Variants in CD36 observed in about 807,000 individuals in gnomAD.
The protein encoded by CD36 is CD36 molecule (CD36 blood group), also known as platelet glycoprotein 4.
CD36 carries 119 observed loss-of-function variants against 55.2 expected under a neutral mutation model. The ratio of observed to expected loss-of-function variants is 2.15; its 90% CI spans 1.86 to 2.51. CD36 has a LOEUF of 2.51. Ranked by LOEUF, CD36 falls within the 30% of genes most tolerant of loss-of-function variation. The pLI is 0.00. For synonymous variants in CD36, 186 were observed against 193.6 expected, an observed-to-expected ratio of 0.96 and a Z score of 0.33; for missense variants, 819 against 555.5, an observed-to-expected ratio of 1.47 and a Z score of -4.77.
At chr7:80,610,572 T>C (rs1396239097) in intron 1 of CD36, among the ~76,000 whole-genome samples, 1 of 143,444 alleles carries the variant, frequency 7.0e-6, no homozygotes, top group Non-Finnish European at 1.5e-5. Flanking sequence ...TTATTTATTT[T>C]TTATCTTTTA....
intron 7 of CD36, 110 bp from the exon 8 acceptor site, chr7:80,666,333 C>T: frequency 1.3e-6 from 1 of 758,020 alleles, no homozygotes; most frequent in Non-Finnish European, 2.3e-6. Flanking sequence ...GTACTTGTCA[C>T]ATTTAAATGC....
At chr7:80,635,329 A>G (rs1794331211), upstream of CD36, among the ~76,000 whole-genome samples, 1 of 152,096 alleles carries the variant, frequency 6.6e-6, no homozygotes, top group Non-Finnish European at 1.5e-5. Context: ...GCTGGAGTAT[A>G]GTGGCACAAT....
intron 1 of CD36, chr7:80,626,077 A>G (rs1014340488): frequency 1.3e-5 from 2 of 152,024 alleles, no homozygotes; most frequent in Non-Finnish European, 2.9e-5. Flanking sequence ...TCCTTAAGGG[A>G]TGATGAAAGA....
chr7:80,606,408 A>G (rs1038244072), intron 1 of CD36, among the ~76,000 whole-genome samples: 1 of 152,170 alleles, frequency 6.6e-6, no homozygotes, highest in South Asian at 2.1e-4. Flanking sequence ...AAAATGAATT[A>G]TGGGATTTAA....
chr7:80,628,340 C>G (rs1000129194), intron 1 of CD36, among the ~76,000 whole-genome samples: 4 of 151,948 alleles, frequency 2.6e-5, no homozygotes, highest in African/African-American at 9.7e-5. Flanking sequence ...TCTCTTGCTA[C>G]TTATGAATGA....
At chr7:80,644,679 C>A (rs552909563) in intron 1 of CD36, among the ~76,000 whole-genome samples, 1 of 152,214 alleles carries the variant, frequency 6.6e-6, no homozygotes, top group South Asian at 2.1e-4. Flanking sequence ...ACCTCTGTTG[C>A]AAGACAGCTG....
intron 4 of CD36, 127 bp downstream of exon 4, chr7:80,656,827 A>AGT: frequency 2.4e-6 from 2 of 823,236 alleles, no homozygotes; most frequent in Non-Finnish European, 4.0e-6. Flanking sequence ...TATACTTTAA[A>AGT]ATATTTTTCC....
intron 14 of CD36, chr7:80,674,375 T>TGTAAC (rs2116923934): frequency 2.1e-6 from 1 of 474,638 alleles, no homozygotes; most frequent in South Asian, 2.3e-5. Flanking sequence ...TTGTGACCAT[T>TGTAAC]GTAACAATAG....
intron 3 of CD36, among the ~76,000 whole-genome samples, chr7:80,649,283 G>A (rs753569005): frequency 1.3e-5 from 2 of 152,068 alleles, no homozygotes; most frequent in Non-Finnish European, 2.9e-5. Context: ...TCTGTAGGAA[G>A]AGCCTAGATG....
rs1797717142 is a variant in CD36, at chr7:80,671,963, A to C, written c.1048A>C (p.Ser350Arg). 6.2e-7 allele frequency: 1 copy of C among 1,610,830 alleles called. No individual in the cohort carries two copies. Among genetic ancestry groups the C allele is most frequent in the African/African-American group, 1.3e-5 (1 of 74,962 alleles). ...TTCACTTCCTCATTTTCTGTATGCAAGTCCTGATGTTTCAGAACCTATTGA... is the reference window on the plus strand; with the variant it reads ...TTCACTTCCTCATTTTCTGTATGCACGTCCTGATGTTTCAGAACCTATTGA... ...YISLPHFLYA[S>R]PDVSEPIDGL... The change falls in exon 11 of 15, where the codon AGT becomes CGT. Residue 350 changes from serine to arginine, a missense_variant. Ser to Arg is a moderately radical substitution (Grantham distance 110). Transcript: ENST00000447544.
At chr7:80,660,853 T>C (rs1796458556) in intron 4 of CD36, among the ~76,000 whole-genome samples, 1 of 152,210 alleles carries the variant, frequency 6.6e-6, no homozygotes, top group African/African-American at 2.4e-5. Context: ...TCTCTCTCAC[T>C]ATTTTAATTT....
At chr7:80,603,115 G>A (rs1368407824) in intron 1 of CD36, among the ~76,000 whole-genome samples, 2 of 152,044 alleles carry the variant, frequency 1.3e-5, no homozygotes, top group African/African-American at 4.8e-5. Context: ...TTATTATATG[G>A]TGTGTTTCAT....
intron 8 of CD36, among the ~76,000 whole-genome samples, chr7:80,667,770 A>ATTTTTTTTTTTTTTT (rs1797262881): frequency 3.4e-5 from 1 of 29,058 alleles, no homozygotes; most frequent in African/African-American, 1.1e-4. Context: ...TTTTTTTTTG[A>ATTTTTTTTTTTTTTT]GACATAGTCT....
intron 13 of CD36, 123 bp from the exon 14 acceptor site, chr7:80,673,860 G>C: frequency 1.3e-6 from 1 of 751,846 alleles, no homozygotes. Flanking sequence ...CCATTAACTT[G>C]CCTTATAGAT....
At chr7:80,622,923 C>T (rs1793547784) in intron 1 of CD36, among the ~76,000 whole-genome samples, 1 of 151,922 alleles carries the variant, frequency 6.6e-6, no homozygotes, top group Non-Finnish European at 1.5e-5. Context: ...TTGGTAACTT[C>T]AATAACCAAG....
At chr7:80,671,245 A>C (rs1797649743) in intron 10 of CD36, 81 bp downstream of exon 10, 1 of 913,994 alleles carries the variant, frequency 1.1e-6, no homozygotes, top group African/African-American at 1.7e-5. Context: ...ATAATCCTTT[A>C]GCAACCAAAA....
At chr7:80,649,276 G>T (rs923793164) in intron 3 of CD36, among the ~76,000 whole-genome samples, 3 of 152,064 alleles carry the variant, frequency 2.0e-5, no homozygotes, top group African/African-American at 7.2e-5. Context: ...TAAGCAATCT[G>T]TAGGAAGAGC....
intron 3 of CD36, among the ~76,000 whole-genome samples, chr7:80,655,658 T>A (rs3211859): frequency 0.012 from 1,828 of 152,142 alleles, 37 homozygotes; most frequent in African/African-American, 0.041. Context: ...TGCAAATATA[T>A]TGAAAGTTAG....
At chr7:80,667,859 T>A (rs1445076925) in intron 8 of CD36, among the ~76,000 whole-genome samples, 1 of 148,746 alleles carries the variant, frequency 6.7e-6, no homozygotes, top group East Asian at 2.1e-4. Flanking sequence ...CAAGTGATTC[T>A]CCTACCTCAA....
Sources: allele counts gnomAD v4.1 joint callset (sites outside exome capture counted in the v4.1 genomes callset), GRCh38; gene constraint gnomAD v4.1.1; transcripts MANE v1.5; gene names NCBI Gene and HGNC (gene_info 2026-07-23, HGNC 2026-07-21).